Variants in KIF6 observed in about 807,000 individuals in gnomAD.
The protein encoded by KIF6 is kinesin family member 6, also known as kinesin-like protein KIF6.
A neutral mutation model predicts 112.7 loss-of-function variants in KIF6; 106 were observed. That is an observed-to-expected ratio of 0.94 (90% CI 0.80 to 1.11). KIF6 has a LOEUF of 1.11. Among genes scored for constraint, KIF6 ranks in the 50% least tolerant of loss-of-function variants. The probability of loss-of-function intolerance (pLI) is 0.00; values close to 1 mark genes in which losing one functional copy is unlikely to be tolerated. For synonymous variants in KIF6, 339 were observed against 339.9 expected, an observed-to-expected ratio of 1.00 and a Z score of 0.03; for missense variants, 929 against 964.0, an observed-to-expected ratio of 0.96 and a Z score of 0.48.
chr6:39,609,153 A>G (rs1282749246), intron 6 of KIF6, among the ~76,000 whole-genome samples: 1 of 152,152 alleles, frequency 6.6e-6, no homozygotes, highest in Non-Finnish European at 1.5e-5. Context: ...CTTCAGCACT[A>G]CTTGGCGGGG....
intron 3 of KIF6, among the ~76,000 whole-genome samples, chr6:39,679,616 T>C (rs1787384367): frequency 2.1e-4 from 2 of 9,744 alleles, no homozygotes; most frequent in Non-Finnish European, 2.6e-3. Flanking sequence ...TTTCTTTTCT[T>C]TTTTTTTTTT....
At chr6:39,500,256 A>T (rs1776044896) in intron 13 of KIF6, among the ~76,000 whole-genome samples, 1 of 152,236 alleles carries the variant, frequency 6.6e-6, no homozygotes, top group African/African-American at 2.4e-5. Flanking sequence ...GGACACAAAG[A>T]AACCAGTTGC....
At chr6:39,719,787 G>T (rs993474408) in intron 2 of KIF6, among the ~76,000 whole-genome samples, 2 of 152,152 alleles carry the variant, frequency 1.3e-5, no homozygotes, top group Non-Finnish European at 2.9e-5. Context: ...GAGGGCATAT[G>T]TAATTTAAAA....
intron 3 of KIF6, among the ~76,000 whole-genome samples, chr6:39,702,570 T>C (rs1034782921): frequency 2.0e-5 from 3 of 152,202 alleles, no homozygotes; most frequent in African/African-American, 7.2e-5. Flanking sequence ...TTGCTGTGCC[T>C]GAAATTGGAC....
chr6:39,603,454 G>A (rs1196493797), intron 6 of KIF6, among the ~76,000 whole-genome samples: 1 of 151,834 alleles, frequency 6.6e-6, no homozygotes, highest in African/African-American at 2.4e-5. Flanking sequence ...AAATCTCATT[G>A]AATAATAATC....
intron 21 of KIF6, 80 bp downstream of exon 21, chr6:39,345,620 T>G (rs1763644791): frequency 2.5e-6 from 3 of 1,200,082 alleles, no homozygotes; most frequent in South Asian, 1.4e-5. Context: ...AGGGGCTTTT[T>G]CGGGGAGTAG....
At chr6:39,421,715 T>C (rs1770380298) in intron 14 of KIF6, among the ~76,000 whole-genome samples, 1 of 152,206 alleles carries the variant, frequency 6.6e-6, no homozygotes, top group African/African-American at 2.4e-5. Context: ...CGCCCCTGGC[T>C]CCCTTATTAA....
rs149131656 is a variant in KIF6, at chr6:39,519,728, A to G, written c.1645+20275T>C. Among the ~76,000 whole-genome samples the G allele has an allele frequency of 3.3e-5, 5 of 151,870 alleles. No homozygotes were observed. In the East Asian group the frequency reaches 9.7e-4, roughly 29 times the overall value. ...CAAACAAAACAAAACAAAACAAAAC[A>G]AAAACAAGCCAGCCGGGCGCCGCGG... On this transcript the variant is annotated intron_variant, in intron 13 of 22. Coordinates refer to ENST00000287152, the MANE Select transcript of KIF6 (RefSeq NM_145027.6).
At chr6:39,533,622 A>G (rs549652970) in intron 13 of KIF6, among the ~76,000 whole-genome samples, 2 of 152,322 alleles carry the variant, frequency 1.3e-5, no homozygotes, top group East Asian at 3.9e-4. Flanking sequence ...AAGACAAACA[A>G]AAAGGGCACA....
chr6:39,496,752 G>A (rs1202643450), intron 13 of KIF6, among the ~76,000 whole-genome samples: 2 of 152,122 alleles, frequency 1.3e-5, no homozygotes, highest in East Asian at 1.9e-4. Flanking sequence ...ATATAAATTC[G>A]TAAACTTATT....
At chr6:39,547,472 C>G (rs190556685) in intron 10 of KIF6, among the ~76,000 whole-genome samples, 8 of 152,164 alleles carry the variant, frequency 5.3e-5, no homozygotes, top group Admixed American at 3.3e-4. Flanking sequence ...ATTATGAAAA[C>G]ACATGTTTAT....
intron 13 of KIF6, among the ~76,000 whole-genome samples, chr6:39,507,347 C>G (rs971993035): frequency 7.9e-5 from 12 of 152,128 alleles, no homozygotes; most frequent in African/African-American, 2.9e-4. Flanking sequence ...TGTATGAGTA[C>G]AGAAAAACAG....
chr6:39,418,955 G>A (rs1029449716), intron 15 of KIF6, among the ~76,000 whole-genome samples: 1 of 152,164 alleles, frequency 6.6e-6, no homozygotes, highest in African/African-American at 2.4e-5. Flanking sequence ...CAGCACAGAG[G>A]TGAGGCACAG....
chr6:39,588,985 G>A (rs963148440), intron 7 of KIF6, among the ~76,000 whole-genome samples: 2 of 152,120 alleles, frequency 1.3e-5, no homozygotes, highest in African/African-American at 4.8e-5. Context: ...TCTAAGTTAT[G>A]CCAAGTTGCT....
chr6:39,612,504 TC>T (rs2150718898), intron 6 of KIF6, among the ~76,000 whole-genome samples: 1 of 152,272 alleles, frequency 6.6e-6, no homozygotes, highest in Non-Finnish European at 1.5e-5. Context: ...GCTGGGTCAA[TC>T]CTAGCTCCTA....
At chr6:39,555,490 T>A (rs1041722247) in intron 10 of KIF6, among the ~76,000 whole-genome samples, 1 of 151,328 alleles carries the variant, frequency 6.6e-6, no homozygotes, top group Non-Finnish European at 1.5e-5. Context: ...GGGGTAGGAG[T>A]AGGGGTGGGG....
At chr6:39,577,261 A>G (rs1435138603) in intron 10 of KIF6, among the ~76,000 whole-genome samples, 2 of 152,248 alleles carry the variant, frequency 1.3e-5, no homozygotes, top group Non-Finnish European at 2.9e-5. Context: ...CAGCTATGAA[A>G]TAGTTTAAAG....
At chr6:39,557,828 A>T (rs1779790755) in intron 10 of KIF6, among the ~76,000 whole-genome samples, 1 of 151,850 alleles carries the variant, frequency 6.6e-6, no homozygotes, top group African/African-American at 2.4e-5. Flanking sequence ...CAAATAAAGG[A>T]TGAGTCCATT....
At chr6:39,411,337 G>A (rs1032748408) in intron 15 of KIF6, among the ~76,000 whole-genome samples, 10 of 152,274 alleles carry the variant, frequency 6.6e-5, no homozygotes, top group African/African-American at 2.2e-4. Context: ...GCTTGGAGGG[G>A]CCTCAGATCT....
Sources: gnomAD v4.1 joint callset for allele counts (sites outside exome capture counted in the v4.1 genomes callset) on GRCh38, gnomAD v4.1.1 for gene constraint, MANE v1.5 for transcripts, NCBI Gene and HGNC (gene_info 2026-07-23, HGNC 2026-07-21) for gene names.